The following PCSK5 variants were observed in gnomAD, a reference collection of about 807,000 sequenced individuals.
PCSK5 encodes proprotein convertase subtilisin/kexin type 5.
Under a neutral mutation model 233.2 loss-of-function variants are expected in PCSK5, and 129 were observed. The observed-to-expected ratio is 0.55, with a 90% confidence interval of 0.48 to 0.64. The LOEUF is 0.64. Among genes scored for constraint, PCSK5 ranks in the 30% least tolerant of loss-of-function variants. PCSK5 has a pLI of 0.00. For synonymous variants in PCSK5, 825 were observed against 879.2 expected (o/e 0.94, Z 1.09); for missense variants, 2,076 against 2,430.1 (o/e 0.85, Z 3.06).
At chr9:75,994,991 C>T (rs1175475261) in intron 3 of PCSK5, among the ~76,000 whole-genome samples, 2 of 152,204 alleles carry the variant, frequency 1.3e-5, no homozygotes, top group Non-Finnish European at 2.9e-5. Context: ...TGCTTTCAGC[C>T]CATAGGCTTT....
At chr9:76,117,417 T>C (rs1187644687) in intron 9 of PCSK5, among the ~76,000 whole-genome samples, 1 of 152,084 alleles carries the variant, frequency 6.6e-6, no homozygotes, top group African/African-American at 2.4e-5. Flanking sequence ...GGATGAATAA[T>C]GGCAAATAGG....
In PCSK5 at chr9:76,026,997, T is replaced by C; in HGVS notation, c.592T>C (p.Leu198=). The change falls in exon 5 of 38, where the codon TTG becomes CTG. Residue 198 remains leucine (L), a synonymous_variant. Coordinates refer to ENST00000674117, the MANE Select transcript of PCSK5 (RefSeq NM_001372043.1). The part of the protein sequence containing the change: ...LASCDVNGND[L]DPMPRYDASN... ...AAGTTGCGACGTGAATGGGAATGAC[T>C]TGGACCCAATGCCTCGTTATGATGC... is the stretch of plus-strand genomic sequence containing the variant. 2 of 1,610,626 alleles carry C rather than the reference T, an allele frequency of 1.2e-6. No individual in the cohort carries two copies. The highest frequency in any genetic ancestry group is 1.1e-5 in the South Asian group (1 of 90,396).
chr9:76,124,471 G>T (rs1397247129), intron 9 of PCSK5, among the ~76,000 whole-genome samples: 1 of 152,054 alleles, frequency 6.6e-6, no homozygotes, highest in Non-Finnish European at 1.5e-5. Context: ...AAGTGGCCGG[G>T]TGCAGTGGCT....
chr9:75,940,515 C>T (rs1824253160), intron 2 of PCSK5, among the ~76,000 whole-genome samples: 1 of 152,184 alleles, frequency 6.6e-6, no homozygotes, highest in Non-Finnish European at 1.5e-5. Flanking sequence ...ATGTAGCTGG[C>T]AGGATCAGAT....
intron 2 of PCSK5, among the ~76,000 whole-genome samples, chr9:75,966,482 G>A (rs768625805): frequency 6.6e-6 from 1 of 152,204 alleles, no homozygotes; most frequent in Non-Finnish European, 1.5e-5. Context: ...CATAAGGAGA[G>A]CAACTTGCCA....
At chr9:76,023,948 C>A in intron 4 of PCSK5, 67 bp downstream of exon 4, 1 of 1,416,596 alleles carries the variant, frequency 7.1e-7, no homozygotes, top group Non-Finnish European at 9.6e-7. Flanking sequence ...TTAGGATTAT[C>A]AAAAAGGTGG....
intron 28 of PCSK5, 93 bp downstream of exon 28, chr9:76,302,310 C>A: frequency 9.5e-6 from 5 of 528,304 alleles, no homozygotes; most frequent in South Asian, 2.0e-5. Context: ...AGCTGGGAGG[C>A]CAGAAGCAAA....
intron 15 of PCSK5, among the ~76,000 whole-genome samples, chr9:76,180,111 A>AC (rs1410463327): frequency 6.7e-6 from 1 of 150,194 alleles, no homozygotes; most frequent in African/African-American, 2.4e-5. Flanking sequence ...ATATACACAC[A>AC]CACACATATA....
intron 2 of PCSK5, among the ~76,000 whole-genome samples, chr9:75,982,872 G>C (rs1377424906): frequency 1.3e-5 from 2 of 151,158 alleles, no homozygotes; most frequent in Non-Finnish European, 2.9e-5. Flanking sequence ...TCTGAGATTA[G>C]TGTTAAACAT....
chr9:76,117,584 C>T (rs976982984), intron 9 of PCSK5, among the ~76,000 whole-genome samples: 2 of 152,094 alleles, frequency 1.3e-5, no homozygotes, highest in Non-Finnish European at 2.9e-5. Flanking sequence ...TCTAATAGAG[C>T]TTGCAATCAC....
Position 76,352,787 on chromosome 9 carries a change from C to T in PCSK5, c.5068-1246C>T, listed in dbSNP as rs183171426. 4.1e-4 allele frequency among the ~76,000 whole-genome samples: 62 copies of T among 151,892 alleles called. 1 individual carries two copies. In the East Asian group the frequency reaches 0.011, roughly 27 times the overall value. On this transcript the variant is annotated intron_variant, in intron 36 of 37. Transcript: ENST00000674117. ...GCACTCTTTAAATTCTGGCAACAGC[C>T]GTCATTACAGTTTAGAGAAACTGAG...
intron 24 of PCSK5, among the ~76,000 whole-genome samples, chr9:76,279,054 C>A (rs1248659675): frequency 8.5e-6 from 1 of 117,522 alleles, no homozygotes; most frequent in Non-Finnish European, 1.7e-5. Context: ...CAATGCTATC[C>A]CTCCCCCCTC....
intron 3 of PCSK5, among the ~76,000 whole-genome samples, chr9:76,006,795 G>A (rs1827497560): frequency 6.6e-6 from 1 of 152,250 alleles, no homozygotes; most frequent in African/African-American, 2.4e-5. Flanking sequence ...GTTCTTAATT[G>A]TATAAAATGT....
intron 3 of PCSK5, among the ~76,000 whole-genome samples, chr9:76,017,738 TTGTGTGTGTGTA>T (rs1828005767): frequency 6.6e-6 from 1 of 151,848 alleles, no homozygotes; most frequent in Non-Finnish European, 1.5e-5. Flanking sequence ...CTGGGGGCAA[TTGTGTGTGTGTA>T]TGTGTGTGTG....
In PCSK5 at chr9:76,093,080, CTTTTTTTTTTT is replaced by C. The variant is rs71372045; in HGVS notation, c.895-2795_895-2785del. Among the ~76,000 whole-genome samples, 9 of 85,706 alleles carry C rather than the reference CTTTTTTTTTTT, an allele frequency of 1.1e-4. No homozygotes were observed. In the East Asian group the frequency reaches 2.6e-3, roughly 25 times the overall value. 56.2% of individuals were successfully genotyped at this position (85,706 alleles called of 152,430 possible). On this transcript the variant is annotated intron_variant, in intron 7 of 37. Coordinates refer to ENST00000674117, the MANE Select transcript of PCSK5 (RefSeq NM_001372043.1). ...TACACACGCCCTTTTTTGTCTTTCC[CTTTTTTTTTTT>C]TTTTTTTTTTTTTTCCAGATACAGG...
intron 25 of PCSK5, among the ~76,000 whole-genome samples, chr9:76,294,768 T>G (rs1828385082): frequency 6.6e-6 from 1 of 151,886 alleles, no homozygotes; most frequent in Non-Finnish European, 1.5e-5. Context: ...TGATAAAGAG[T>G]CCTTGGAGGT....
intron 7 of PCSK5, among the ~76,000 whole-genome samples, chr9:76,084,126 A>G (rs183548290): frequency 6.6e-6 from 1 of 152,332 alleles, no homozygotes; most frequent in Non-Finnish European, 1.5e-5. Flanking sequence ...AATTCTGTGT[A>G]TTTAGAACAT....
chr9:75,964,958 C>T (rs141559133), intron 2 of PCSK5, among the ~76,000 whole-genome samples: 17 of 152,204 alleles, frequency 1.1e-4, no homozygotes, highest in Admixed American at 8.5e-4. Context: ...AGGATTAGAC[C>T]GTGAAATGGT....
intron 3 of PCSK5, among the ~76,000 whole-genome samples, chr9:75,999,777 C>T (rs1017375776): frequency 6.6e-6 from 1 of 152,184 alleles, no homozygotes; most frequent in Non-Finnish European, 1.5e-5. Context: ...TTTTGGGGCG[C>T]TTGCTCCCAA....
Sources: gnomAD v4.1 joint callset for allele counts (sites outside exome capture counted in the v4.1 genomes callset) on GRCh38, gnomAD v4.1.1 for gene constraint, MANE v1.5 for transcripts, NCBI Gene and HGNC (gene_info 2026-07-23, HGNC 2026-07-21) for gene names.